DOCK4: variants seen among roughly 807,000 people sequenced by gnomAD.
DOCK4 encodes the protein dedicator of cytokinesis protein 4.
In DOCK4, 97 loss-of-function variants were observed where a neutral mutation model predicts 268.1. The observed-to-expected ratio is 0.36, with a 90% CI of 0.31 to 0.43. DOCK4 has a LOEUF of 0.43. DOCK4 is among the 20% of genes least tolerant of loss of function. DOCK4 has a pLI of 1.00. For missense variants in DOCK4, 2,145 were observed against 2,455.7 expected, an observed-to-expected ratio of 0.87 and a Z score of 2.67; for synonymous variants, 954 against 887.2, an observed-to-expected ratio of 1.08 and a Z score of -1.34.
At chr7:112,186,173 C>A (rs1445800702) in intron 1 of DOCK4, among the ~76,000 whole-genome samples, 1 of 152,244 alleles carries the variant, frequency 6.6e-6, no homozygotes, top group Admixed American at 6.5e-5. Flanking sequence ...CCACCTTGCA[C>A]CCCTGCATCC....
At chr7:111,869,534 G>A in intron 21 of DOCK4, 40 bp downstream of exon 21, 2 of 1,588,606 alleles carry the variant, frequency 1.3e-6, no homozygotes, top group Non-Finnish European at 1.7e-6. Context: ...GCATGCAACA[G>A]CTTTGTTAGA....
chr7:111,845,869 G>A (rs1411257577), intron 24 of DOCK4, among the ~76,000 whole-genome samples: 2 of 152,106 alleles, frequency 1.3e-5, no homozygotes, highest in Admixed American at 6.6e-5. Flanking sequence ...TTTGGAAAAC[G>A]ATTCTAACTA....
At chr7:111,908,709 C>A (rs972887473) in intron 13 of DOCK4, among the ~76,000 whole-genome samples, 1 of 151,970 alleles carries the variant, frequency 6.6e-6, no homozygotes, top group Non-Finnish European at 1.5e-5. Flanking sequence ...TGCCCCCCAC[C>A]GCCCCCAGGC....
At chr7:112,149,909 T>C (rs1815896059) in intron 1 of DOCK4, among the ~76,000 whole-genome samples, 1 of 152,148 alleles carries the variant, frequency 6.6e-6, no homozygotes, top group Non-Finnish European at 1.5e-5. Flanking sequence ...GCTTAAAGGA[T>C]GGAAAGGATG....
chr7:111,950,936 A>G (rs2134874454), intron 8 of DOCK4, among the ~76,000 whole-genome samples: 1 of 152,330 alleles, frequency 6.6e-6, no homozygotes. Context: ...TTCTAGAAAC[A>G]CTGAGAAATG....
At chr7:112,104,533 T>G (rs1438929464) in intron 1 of DOCK4, among the ~76,000 whole-genome samples, 1 of 152,168 alleles carries the variant, frequency 6.6e-6, no homozygotes, top group Non-Finnish European at 1.5e-5. Context: ...AAACTCAAAA[T>G]TAACCTTGGC....
intron 1 of DOCK4, among the ~76,000 whole-genome samples, chr7:112,088,934 A>C (rs907433600): frequency 6.6e-6 from 1 of 152,164 alleles, no homozygotes; most frequent in Admixed American, 6.5e-5. Context: ...GCTGGCAGGC[A>C]GTAAGTGCTC....
chr7:111,932,475 G>A (rs886270905), intron 12 of DOCK4, among the ~76,000 whole-genome samples: 4 of 151,958 alleles, frequency 2.6e-5, no homozygotes, highest in African/African-American at 4.8e-5. Flanking sequence ...AAAGGAGCAG[G>A]GCATAATGGA....
chr7:111,922,772 G>A (rs752267841), intron 12 of DOCK4, among the ~76,000 whole-genome samples: 1 of 150,092 alleles, frequency 6.7e-6, no homozygotes, highest in African/African-American at 2.5e-5. Flanking sequence ...TAGTAGAGAC[G>A]GGGTTTCACC....
At chr7:112,189,356 C>T (rs1158969748) in intron 1 of DOCK4, among the ~76,000 whole-genome samples, 1 of 151,824 alleles carries the variant, frequency 6.6e-6, no homozygotes, top group Non-Finnish European at 1.5e-5. Flanking sequence ...AAAAGCACCC[C>T]AAACTTGCAG....
chr7:112,146,785 G>A (rs149182942), intron 1 of DOCK4, among the ~76,000 whole-genome samples: 3,663 of 152,156 alleles, frequency 0.024, 69 homozygotes, highest in South Asian at 0.034. Context: ...AGGAGGCTTC[G>A]ATATCTCTTC....
chr7:111,930,004 T>C (rs1794066712), intron 12 of DOCK4, among the ~76,000 whole-genome samples: 1 of 152,216 alleles, frequency 6.6e-6, no homozygotes, highest in South Asian at 2.1e-4. Context: ...CAGTCTAATG[T>C]CACATTCCTA....
Position 111,809,354 on chromosome 7 carries a change from C to T in DOCK4, c.3054G>A (p.Leu1018=). The T allele has an allele frequency of 6.4e-7, 1 of 1,567,734 alleles. No homozygotes were observed. Among genetic ancestry groups the T allele is most frequent in the Non-Finnish European group, 8.7e-7 (1 of 1,154,412 alleles). ...FYLAVIFINQ[L]CLQLEMFTPS... Reference sequence around the variant, plus strand: ...GTGTGAACATCTCCAACTGCAGACACAACTGGTTTATAAAAATGACTGCGA... The same window carrying T: ...GTGTGAACATCTCCAACTGCAGACATAACTGGTTTATAAAAATGACTGCGA... The change falls in exon 29 of 53, where the codon TTG becomes TTA. Residue 1018 remains leucine (L), a synonymous_variant. Coordinates refer to ENST00000428084, the MANE Select transcript of DOCK4 (RefSeq NM_001363540.2).
intron 15 of DOCK4, among the ~76,000 whole-genome samples, chr7:111,896,342 G>GCATC (rs1460372506): frequency 1.3e-5 from 2 of 152,094 alleles, no homozygotes; most frequent in Non-Finnish European, 2.9e-5. Context: ...AGGCGATGAG[G>GCATC]TTTTCAGATG....
chr7:111,900,632 A>T (rs1791062066), intron 14 of DOCK4, 96 bp from the exon 15 acceptor site: 1 of 1,288,944 alleles, frequency 7.8e-7, no homozygotes, highest in Admixed American at 2.4e-5. Context: ...CCTGCCTCTC[A>T]AATAGCACTA....
At chr7:112,091,870 T>C (rs1162103089) in intron 1 of DOCK4, among the ~76,000 whole-genome samples, 1 of 152,170 alleles carries the variant, frequency 6.6e-6, no homozygotes, top group African/African-American at 2.4e-5. Context: ...ATACAGCCTA[T>C]TTCATAAGCC....
intron 1 of DOCK4, among the ~76,000 whole-genome samples, chr7:112,030,646 A>C (rs940334071): frequency 6.6e-6 from 1 of 152,192 alleles, no homozygotes; most frequent in African/African-American, 2.4e-5. Flanking sequence ...GTTGGTGAGA[A>C]AGATCTTTCA....
At chr7:111,750,139 G>C (rs1283741003) in intron 42 of DOCK4, among the ~76,000 whole-genome samples, 1 of 152,232 alleles carries the variant, frequency 6.6e-6, no homozygotes, top group Non-Finnish European at 1.5e-5. Context: ...AGATGTTCAA[G>C]TGATCCTAGA....
chr7:112,124,831 A>G (rs555650707), intron 1 of DOCK4, among the ~76,000 whole-genome samples: 1 of 152,320 alleles, frequency 6.6e-6, no homozygotes, highest in East Asian at 1.9e-4. Context: ...TTTCATATAT[A>G]ATTCGTTTTT....
Sources: allele counts gnomAD v4.1 joint callset (sites outside exome capture counted in the v4.1 genomes callset), GRCh38; gene constraint gnomAD v4.1.1; transcripts MANE v1.5; gene names NCBI Gene and HGNC (gene_info 2026-07-23, HGNC 2026-07-21).